SAMD3: variants seen among roughly 807,000 people sequenced by gnomAD.
The protein encoded by SAMD3 is sterile alpha motif domain containing 3.
In SAMD3, 63 loss-of-function variants were observed where a neutral mutation model predicts 58.5. The ratio of observed to expected loss-of-function variants is 1.08; its 90% CI spans 0.88 to 1.33. The LOEUF (loss-of-function observed/expected upper bound fraction) is 1.33, where lower values mean the gene tolerates loss of function less well. SAMD3 is among the 40% of genes most tolerant of loss of function. The probability of loss-of-function intolerance (pLI) is 0.00; values close to 1 mark genes in which losing one functional copy is unlikely to be tolerated. For missense variants in SAMD3, 604 were observed against 608.4 expected (o/e 0.99, Z 0.08); for synonymous variants, 220 against 210.3 (o/e 1.05, Z -0.40).
intron 2 of SAMD3, among the ~76,000 whole-genome samples, chr6:130,268,939 C>T (rs1273026648): frequency 6.6e-6 from 1 of 152,146 alleles, no homozygotes; most frequent in Non-Finnish European, 1.5e-5. Context: ...AGATATTTTG[C>T]TCAGCAAAAG....
chr6:130,350,393 T>C (rs1302387761), intron 1 of SAMD3, among the ~76,000 whole-genome samples: 1 of 152,088 alleles, frequency 6.6e-6, no homozygotes, highest in Non-Finnish European at 1.5e-5. Flanking sequence ...ACAAAATCAA[T>C]GTGCAAAAAT....
rs1377663192 is a variant in SAMD3, at chr6:130,343,054, A to C, written c.-304+22066T>G. On this transcript the variant is annotated intron_variant, in intron 1 of 13. Transcript: ENST00000368134. ...TAGAGTGAAATTTAATCACTTCTAG[A>C]ATTACTGATTTCTGTGTACTTTTAG... 2.0e-5 allele frequency among the ~76,000 whole-genome samples: 3 copies of C among 152,012 alleles called. No individual in the cohort carries two copies. The East Asian group carries it at 5.8e-4, about 29-fold the overall frequency.
chr6:130,221,119 G>T (rs1208620605), intron 1 of SAMD3, among the ~76,000 whole-genome samples: 2 of 152,160 alleles, frequency 1.3e-5, no homozygotes, highest in Non-Finnish European at 2.9e-5. Context: ...CTCCCAAAGT[G>T]CTGGGATTAC....
intron 4 of SAMD3, among the ~76,000 whole-genome samples, chr6:130,210,902 C>T (rs111225913): frequency 0.076 from 11,525 of 152,100 alleles, 504 homozygotes; most frequent in South Asian, 0.13. Context: ...AGGTGGATCA[C>T]GCGGTCAGGA....
chr6:130,323,908 C>T (rs1411669277), intron 1 of SAMD3, among the ~76,000 whole-genome samples: 4 of 149,580 alleles, frequency 2.7e-5, no homozygotes, highest in Non-Finnish European at 5.9e-5. Context: ...CTTTTAAGTG[C>T]TGGCTATGCA....
intron 2 of SAMD3, among the ~76,000 whole-genome samples, chr6:130,265,301 C>A (rs1774300708): frequency 6.6e-6 from 1 of 152,188 alleles, no homozygotes; most frequent in African/African-American, 2.4e-5. Flanking sequence ...AGACTGAGAG[C>A]TGTACGTGGA....
intron 5 of SAMD3, among the ~76,000 whole-genome samples, chr6:130,202,315 C>T (rs1488036412): frequency 6.6e-6 from 1 of 152,228 alleles, no homozygotes; most frequent in African/African-American, 2.4e-5. Context: ...ACACTGCTCA[C>T]TCTGTATCCC....
At chr6:130,265,326 C>G (rs935849119) in intron 2 of SAMD3, among the ~76,000 whole-genome samples, 6 of 152,174 alleles carry the variant, frequency 3.9e-5, no homozygotes, top group Non-Finnish European at 8.8e-5. Context: ...AGCAGCTTCA[C>G]CAACCCCTGC....
chr6:130,200,232 G>A (rs1794522134), intron 5 of SAMD3, among the ~76,000 whole-genome samples: 1 of 151,930 alleles, frequency 6.6e-6, no homozygotes, highest in African/African-American at 2.4e-5. Context: ...GTCTCACAGA[G>A]CTATCACCTC....
intron 5 of SAMD3, among the ~76,000 whole-genome samples, chr6:130,205,376 T>C (rs577520967): frequency 6.6e-6 from 1 of 152,276 alleles, no homozygotes; most frequent in African/African-American, 2.4e-5. Context: ...TGATCTCAGC[T>C]CACTGCAACC....
At position 130,210,723 on chromosome 6, in the gene SAMD3, G is replaced by T. The variant is rs1019613852; in HGVS notation, c.270-1115C>A. Among the ~76,000 whole-genome samples the T allele has an allele frequency of 2.0e-5, 3 of 152,086 alleles. No homozygotes were observed. The East Asian group carries it at 5.8e-4, about 29-fold the overall frequency. On this transcript the variant is annotated intron_variant, in intron 4 of 11. Transcript: ENST00000439090. ...AACCTGAAAAACTAATTCAGGCCATGATGGGAAGGGAAGGTTGAACATGCC... is the reference window on the plus strand; with the variant it reads ...AACCTGAAAAACTAATTCAGGCCATTATGGGAAGGGAAGGTTGAACATGCC...
chr6:130,193,431 A>G (rs1310366366), intron 5 of SAMD3, among the ~76,000 whole-genome samples: 1 of 151,024 alleles, frequency 6.6e-6, no homozygotes, highest in African/African-American at 2.4e-5. Context: ...CTGCGCCCTG[A>G]TCCCTTATTT....
chr6:130,327,347 C>G (rs1282415231), intron 1 of SAMD3, among the ~76,000 whole-genome samples: 1 of 152,130 alleles, frequency 6.6e-6, no homozygotes, highest in African/African-American at 2.4e-5. Context: ...GATTCTAGAA[C>G]TGAACTAAAT....
intron 4 of SAMD3, among the ~76,000 whole-genome samples, chr6:130,213,521 A>G (rs1341475695): frequency 6.6e-6 from 1 of 152,162 alleles, no homozygotes; most frequent in East Asian, 1.9e-4. Context: ...AATTAACGTA[A>G]AAACATAGAT....
At chr6:130,312,793 G>GCA (rs55634052) in intron 2 of SAMD3, among the ~76,000 whole-genome samples, 508 of 151,114 alleles carry the variant, frequency 3.4e-3, no homozygotes, top group Non-Finnish European at 4.8e-3. Context: ...GAGTATACAT[G>GCA]CACACACACA....
intron 1 of SAMD3, among the ~76,000 whole-genome samples, chr6:130,328,920 G>T (rs143967254): frequency 6.6e-6 from 1 of 152,264 alleles, no homozygotes; most frequent in African/African-American, 2.4e-5. Flanking sequence ...AAGGAAAAAT[G>T]GCAGATTTAC....
chr6:130,323,873 T>G lies in SAMD3; in HGVS notation c.-303-10780A>C, dbSNP rs12195758. 3.6e-3 allele frequency among the ~76,000 whole-genome samples: 532 copies of G among 149,192 alleles called. 4 individuals are homozygous for G. The highest frequency in any genetic ancestry group is 0.013 in the African/African-American group (522 of 40,102). On this transcript the variant is annotated intron_variant, in intron 1 of 13. Transcript: ENST00000368134. Reference sequence around the variant, plus strand: ...CTAAGGGAAAAGGGCAGAAAATGTGTCTTCTGGTTCCCTTTCATTAGTGTC... The same window carrying G: ...CTAAGGGAAAAGGGCAGAAAATGTGGCTTCTGGTTCCCTTTCATTAGTGTC...
intron 2 of SAMD3, among the ~76,000 whole-genome samples, chr6:130,301,627 C>A (rs939598848): frequency 1.3e-5 from 2 of 152,106 alleles, no homozygotes; most frequent in African/African-American, 4.8e-5. Flanking sequence ...ATAGCCAAAG[C>A]AATCCTCAGC....
chr6:130,313,277 G>A (rs1301623691), intron 1 of SAMD3, among the ~76,000 whole-genome samples: 1 of 152,182 alleles, frequency 6.6e-6, no homozygotes, highest in Non-Finnish European at 1.5e-5. Flanking sequence ...TTTGTGCTGG[G>A]TAATTTGTTG....
Sources: allele counts gnomAD v4.1 joint callset (sites outside exome capture counted in the v4.1 genomes callset), GRCh38; gene constraint gnomAD v4.1.1; transcripts MANE v1.5; gene names NCBI Gene and HGNC (gene_info 2026-07-23, HGNC 2026-07-21).